NBPF8: variants seen among roughly 807,000 people sequenced by gnomAD.
NBPF8 encodes NBPF family member NBPF8.
chr1:120,436,496 T>G, exon 1 of NBPF8: 1 of 1,468,010 alleles, frequency 6.8e-7, no homozygotes, highest in Non-Finnish European at 9.5e-7. Flanking sequence ...AGTCCCTGAC[T>G]CCACCTCTTC....
chr1:120,416,135 C>G (rs1201913814), upstream of NBPF8, among the ~76,000 whole-genome samples: 1 of 151,830 alleles, frequency 6.6e-6, no homozygotes, highest in Non-Finnish European at 1.5e-5. Context: ...AGTCTTTGTT[C>G]TGAGCTGATA....
chr1:120,428,206 T>G (rs1356796703), intron 3 of NBPF8, among the ~76,000 whole-genome samples: 2 of 152,144 alleles, frequency 1.3e-5, no homozygotes, highest in Admixed American at 6.5e-5. Flanking sequence ...ATGAAACAGA[T>G]GGTCATAGAA....
At chr1:120,462,939 T>C in exon 21 of NBPF8, 5 of 487,056 alleles carry the variant, frequency 1.0e-5, no homozygotes, top group South Asian at 8.5e-5. Flanking sequence ...GGAGGAACAG[T>C]ACCTTGGCTT....
At chr1:120,425,281 G>C (rs1463636380) in intron 1 of NBPF8, among the ~76,000 whole-genome samples, 156 of 152,134 alleles carry the variant, frequency 1.0e-3, no homozygotes, top group Non-Finnish European at 1.7e-3. Flanking sequence ...GGAATGTCTC[G>C]GTGTAAAGCC....
chr1:120,431,733 A>G (rs1200628067), upstream of NBPF8, among the ~76,000 whole-genome samples: 2 of 151,886 alleles, frequency 1.3e-5, no homozygotes, highest in African/African-American at 2.4e-5. Context: ...AAGGTTAAAC[A>G]TAACACAAAT....
chr1:120,419,535 C>A (rs1412287437), upstream of NBPF8, among the ~76,000 whole-genome samples: 1 of 152,096 alleles, frequency 6.6e-6, no homozygotes, highest in South Asian at 2.1e-4. Context: ...CATCATAGCT[C>A]ACTAACCTCT....
intron 11 of NBPF8, among the ~76,000 whole-genome samples, chr1:120,450,798 C>A (rs1362336312): frequency 1.3e-5 from 2 of 152,114 alleles, no homozygotes; most frequent in African/African-American, 4.8e-5. Flanking sequence ...GTCCTAGGGG[C>A]CTTCCCGACT....
intron 1 of NBPF8, among the ~76,000 whole-genome samples, chr1:120,422,922 C>G (rs1410548626): frequency 1.9e-5 from 2 of 105,128 alleles, no homozygotes; most frequent in East Asian, 2.0e-4. Flanking sequence ...TATTTGCCAT[C>G]TGTATATCTT....
At chr1:120,421,203 GA>G (rs1660564762) in intron 1 of NBPF8, among the ~76,000 whole-genome samples, 1 of 152,314 alleles carries the variant, frequency 6.6e-6, no homozygotes, top group African/African-American at 2.4e-5. Flanking sequence ...AGAGAAGGAA[GA>G]AGGGGTTGTA....
At chr1:120,462,688 C>A in intron 20 of NBPF8, 106 bp from the exon 19 acceptor site, 1 of 253,204 alleles carries the variant, frequency 3.9e-6, no homozygotes, top group Admixed American at 6.9e-5. Context: ...ATGGATCTGT[C>A]CTTTTTCTTT....
upstream of NBPF8, among the ~76,000 whole-genome samples, chr1:120,434,370 T>C (rs1467720691): frequency 2.0e-5 from 3 of 147,460 alleles, no homozygotes; most frequent in Non-Finnish European, 3.0e-5. Context: ...TATACGTGTA[T>C]ACAGGTATAT....
At chr1:120,450,601 CA>C (rs1351119530) in intron 11 of NBPF8, among the ~76,000 whole-genome samples, 1 of 152,208 alleles carries the variant, frequency 6.6e-6, no homozygotes, top group Non-Finnish European at 1.5e-5. Flanking sequence ...TCTAAATTAA[CA>C]CAAACTTTAT....
In NBPF8 at chr1:120,465,865, G is replaced by T; in HGVS notation, n.3569-113G>T. ...GCAATAATTTGTTACCTCATTAATGGATCTGTCCTTTTTCTTTTCTAACCA... is the reference window on the plus strand; with the variant it reads ...GCAATAATTTGTTACCTCATTAATGTATCTGTCCTTTTTCTTTTCTAACCA... On this transcript the variant is annotated intron_variant and non_coding_transcript_variant, in intron 24 of 24. Transcript: ENST00000583271. 3.1e-6 allele frequency: 5 copies of T among 1,608,904 alleles called. No homozygotes were observed. The South Asian group carries it at 5.5e-5, about 18-fold the overall frequency.
chr1:120,464,163 G>GTCTGTC (rs1412341601), intron 22 of NBPF8, among the ~76,000 whole-genome samples: 2 of 108,186 alleles, frequency 1.8e-5, no homozygotes, highest in Admixed American at 9.4e-5. Flanking sequence ...GTGTGTGTGT[G>GTCTGTC]TGTGTGTGTG....
chr1:120,418,166 TA>T (rs1377730299), upstream of NBPF8, among the ~76,000 whole-genome samples: 3 of 43,354 alleles, frequency 6.9e-5, no homozygotes, highest in Non-Finnish European at 1.4e-4. Flanking sequence ...GATGGAGTCA[TA>T]GGTGATAATT....
exon 1 of NBPF8, chr1:120,436,627 C>G (rs1336674160): frequency 2.0e-5 from 31 of 1,577,754 alleles, no homozygotes; most frequent in Non-Finnish European, 2.7e-5. Context: ...AACAGCAGTT[C>G]GTAAACCTCA....
chr1:120,461,220 A>G, intron 18 of NBPF8, 34 bp from the exon 17 acceptor site: 2 of 531,158 alleles, frequency 3.8e-6, no homozygotes, highest in Admixed American at 2.7e-5. Flanking sequence ...CTGATTCCCC[A>G]TGGCTTATTC....
chr1:120,449,805 C>G (rs1325959015), intron 11 of NBPF8, among the ~76,000 whole-genome samples: 1 of 152,132 alleles, frequency 6.6e-6, no homozygotes, highest in Non-Finnish European at 1.5e-5. Context: ...TGTTGAGGCC[C>G]AACAGACAAA....
chr1:120,416,954 CCTCTTTTGTGAAGTGCCTGTTAAAT>C, upstream of NBPF8, among the ~76,000 whole-genome samples: 1 of 129,346 alleles, frequency 7.7e-6, no homozygotes, highest in South Asian at 2.6e-4. Flanking sequence ...ATTTGTGTGT[CCTCTTTTGTGAAGTGCCTGTTAAAT>C]CTTTTTATCC....
Sources: gnomAD v4.1 joint callset for allele counts (sites outside exome capture counted in the v4.1 genomes callset) on GRCh38, gnomAD v4.1.1 for gene constraint, MANE v1.5 for transcripts, NCBI Gene and HGNC (gene_info 2026-07-23, HGNC 2026-07-21) for gene names.